Variants in DNM1L observed in about 807,000 individuals in gnomAD.
DNM1L encodes dynamin 1L.
Under a neutral mutation model 92.8 loss-of-function variants are expected in DNM1L, and 33 were observed. The observed-to-expected ratio is 0.36, with a 90% confidence interval of 0.27 to 0.48. DNM1L has a LOEUF of 0.48. Ranked by LOEUF, DNM1L falls within the 20% of genes least tolerant of loss-of-function variation. The pLI is 0.99. For synonymous variants in DNM1L, 284 were observed against 305.0 expected (o/e 0.93, Z 0.72); for missense variants, 485 against 888.8 (o/e 0.55, Z 5.78).
intron 9 of DNM1L, chr12:32,726,491 A>G: frequency 9.4e-7 from 1 of 1,058,794 alleles, no homozygotes; most frequent in Non-Finnish European, 1.5e-6. Context: ...CTTCTTCATC[A>G]TACTCATCAT....
intron 13 of DNM1L, among the ~76,000 whole-genome samples, chr12:32,734,776 T>G (rs1954763561): frequency 6.6e-6 from 1 of 152,108 alleles, no homozygotes; most frequent in Non-Finnish European, 1.5e-5. Context: ...GCCATTGCAC[T>G]CCAGCCTGGG....
chr12:32,725,815 G>T (rs1441836996), intron 9 of DNM1L, among the ~76,000 whole-genome samples: 1 of 152,018 alleles, frequency 6.6e-6, no homozygotes, highest in Non-Finnish European at 1.5e-5. Context: ...ATGTTGGTCA[G>T]GCTGGTGTTG....
chr12:32,711,439 T>G (rs1953119429), intron 5 of DNM1L, among the ~76,000 whole-genome samples: 1 of 152,076 alleles, frequency 6.6e-6, no homozygotes, highest in Admixed American at 6.6e-5. Context: ...ACATATACAC[T>G]TAAATGTCTA....
intron 13 of DNM1L, among the ~76,000 whole-genome samples, chr12:32,735,917 A>G (rs1043832545): frequency 1.3e-5 from 2 of 151,964 alleles, no homozygotes; most frequent in Non-Finnish European, 2.9e-5. Context: ...GCTTTAACTT[A>G]TATTTTTTTG....
In DNM1L at chr12:32,744,205, A is replaced by G. The variant is rs1305644883; in HGVS notation, c.*795A>G. 6.6e-6 allele frequency: 1 copy of G among 152,278 alleles called. No homozygotes were observed. Among genetic ancestry groups the G allele is most frequent in the Non-Finnish European group, 1.5e-5 (1 of 68,068 alleles). 9.4% of individuals were successfully genotyped at this position (152,278 alleles called of 1,614,324 possible). On this transcript the variant is annotated 3_prime_UTR_variant, in exon 20 of 20. Transcript: ENST00000549701. ...CTTTTAGATTTCAGAAAATCAAATG[A>G]TGACCTAAATTTCCCTTAATTTGCA...
At chr12:32,679,746 G>T (rs1045095164) in intron 1 of DNM1L, 1 of 1,112,970 alleles carries the variant, frequency 9.0e-7, no homozygotes, top group African/African-American at 1.6e-5. Context: ...GGAGAGGGAA[G>T]GATGGGGCCG....
intron 1 of DNM1L, chr12:32,679,817 A>C (rs953388955): frequency 9.9e-7 from 1 of 1,013,806 alleles, no homozygotes; most frequent in African/African-American, 1.7e-5. Flanking sequence ...CGCTGCCTCC[A>C]AGGGCACCTG....
chr12:32,714,270 ATT>A (rs764641583), intron 6 of DNM1L, among the ~76,000 whole-genome samples: 17,729 of 133,996 alleles, frequency 0.13, 757 homozygotes, highest in Middle Eastern at 0.18. Flanking sequence ...CACTTTAACA[ATT>A]TTTTTTTTTT....
intron 6 of DNM1L, among the ~76,000 whole-genome samples, chr12:32,715,499 G>A (rs1953321733): frequency 6.6e-6 from 1 of 152,076 alleles, no homozygotes; most frequent in African/African-American, 2.4e-5. Flanking sequence ...TTGGGAGGCT[G>A]AGGTGAGCGG....
intron 7 of DNM1L, among the ~76,000 whole-genome samples, chr12:32,719,121 T>A (rs566050407): frequency 3.9e-5 from 6 of 152,206 alleles, no homozygotes; most frequent in South Asian, 2.1e-4. Context: ...TGGCTAATTT[T>A]AAATTTTTTT....
In DNM1L at chr12:32,739,829, ACAT is replaced by A. The variant is rs1955156989; in HGVS notation, c.1708-234_1708-232del. On this transcript the variant is annotated intron_variant, in intron 16 of 19. Transcript: ENST00000549701. Reference sequence around the variant, plus strand: ...ATAAAGAAAAAAGGAATTAAATAGAACATAAGTTGGTTGATGCCTTGCAAACAA... The same window carrying A: ...ATAAAGAAAAAAGGAATTAAATAGAAAAGTTGGTTGATGCCTTGCAAACAA... 5.6e-6 allele frequency: 3 copies of A among 534,210 alleles called. 1 individual carries two copies. The Admixed American group carries it at 9.4e-5, about 17-fold the overall frequency. The allele number at this position is 534,210 out of a possible 1,614,324, so 33.1% of individuals were successfully genotyped here. A position where few individuals can be genotyped will look rare whatever the true frequency, so the allele number is the denominator to read the frequency against.
intron 9 of DNM1L, among the ~76,000 whole-genome samples, chr12:32,724,601 T>TATATAC: frequency 8.2e-6 from 1 of 121,794 alleles, no homozygotes; most frequent in South Asian, 2.4e-4. Context: ...AAAATATATA[T>TATATAC]ATATATATAT....
At chr12:32,699,314 AAAG>A (rs1952603077) in intron 1 of DNM1L, among the ~76,000 whole-genome samples, 1 of 112,156 alleles carries the variant, frequency 8.9e-6, no homozygotes, top group Non-Finnish European at 2.0e-5. Flanking sequence ...TTCAAAATAA[AAAG>A]TTGGAAAATA....
chr12:32,726,658 T>C, intron 9 of DNM1L: 1 of 734,974 alleles, frequency 1.4e-6, no homozygotes, highest in Non-Finnish European at 2.3e-6. Flanking sequence ...GCAAGAAAAT[T>C]AAAGAAAGAG....
At chr12:32,701,369 AT>A (rs1373516671) in intron 1 of DNM1L, 45 bp from the exon 2 acceptor site, 2 of 1,572,040 alleles carry the variant, frequency 1.3e-6, no homozygotes, top group African/African-American at 2.7e-5. Flanking sequence ...TTAACAAAAA[AT>A]GTGTTAAGAA....
intron 18 of DNM1L, among the ~76,000 whole-genome samples, chr12:32,741,645 A>G (rs568486009): frequency 2.0e-5 from 3 of 152,334 alleles, no homozygotes; most frequent in African/African-American, 7.2e-5. Context: ...CACGCACCAC[A>G]TAACATTTTA....
At chr12:32,706,035 C>T (rs1952912968) in intron 2 of DNM1L, 1 of 516,114 alleles carries the variant, frequency 1.9e-6, no homozygotes, top group Admixed American at 3.7e-5. Flanking sequence ...CATCAAAATG[C>T]AAGCTTTTTT....
chr12:32,694,908 G>T (rs989929770), intron 1 of DNM1L, among the ~76,000 whole-genome samples: 5 of 152,160 alleles, frequency 3.3e-5, no homozygotes, highest in Non-Finnish European at 7.3e-5. Context: ...ATGGGAATTT[G>T]GGAAGGGTAT....
intron 3 of DNM1L, among the ~76,000 whole-genome samples, 188 bp from the exon 4 acceptor site, chr12:32,707,965 A>G (rs945082955): frequency 1.3e-5 from 2 of 151,666 alleles, no homozygotes; most frequent in South Asian, 2.1e-4. Context: ...AAAAAAAAAA[A>G]GCCAAACAGA....
Sources: allele counts gnomAD v4.1 joint callset (sites outside exome capture counted in the v4.1 genomes callset), GRCh38; gene constraint gnomAD v4.1.1; transcripts MANE v1.5; gene names NCBI Gene and HGNC (gene_info 2026-07-23, HGNC 2026-07-21).